SNX18: variants seen among roughly 807,000 people sequenced by gnomAD.
SNX18 encodes the protein sorting nexin 18.
Under a neutral mutation model 48.7 loss-of-function variants are expected in SNX18, and 35 were observed. The observed-to-expected ratio is 0.72, with a 90% CI of 0.55 to 0.95. The LOEUF is 0.95. Among genes scored for constraint, SNX18 ranks in the 40% least tolerant of loss-of-function variants. The pLI, the probability that SNX18 is intolerant of heterozygous loss-of-function variation, is 0.00. For synonymous variants in SNX18, 492 were observed against 384.7 expected (o/e 1.28, Z -3.26); for missense variants, 824 against 871.0 (o/e 0.95, Z 0.68).
the SNX18 span, among the ~76,000 whole-genome samples, chr5:54,600,619 A>G: frequency 6.6e-6 from 1 of 152,254 alleles, no homozygotes; most frequent in African/African-American, 2.4e-5. Context: ...AAAATGTGGT[A>G]TAAATATACC....
At chr5:54,559,205 C>T in the SNX18 span, among the ~76,000 whole-genome samples, 2 of 152,108 alleles carry the variant, frequency 1.3e-5, no homozygotes, top group African/African-American at 4.8e-5. Flanking sequence ...ACATTCTTCA[C>T]AGAACTAGAT....
In SNX18 at chr5:54,518,521, C is replaced by T. The variant is rs1182676595; in HGVS notation, c.569C>T (p.Ala190Val). 2.6e-6 allele frequency: 4 copies of T among 1,553,236 alleles called. No individual in the cohort carries two copies. The highest frequency in any genetic ancestry group is 1.9e-5 in the Admixed American group (1 of 51,970). Residue 190 changes from alanine to valine, a missense_variant, in exon 1 of 2, where the codon GCC becomes GTC. Ala to Val is a moderately conservative substitution (Grantham distance 64). Around this residue, in one of 3 missense-constraint regions of SNX18, gnomAD observed 377 missense variants for 350.6 expected, o/e 1.08. Transcript: ENST00000381410. ...DGSSSAGVGAAGRYRLSTRSD... is the reference protein window; with the variant it reads ...DGSSSAGVGAVGRYRLSTRSD... ...TCGTCTTCGGCGGGTGTGGGCGCAG[C>T]CGGCCGCTACCGCCTGTCCACGCGC...
chr5:54,613,631 T>C, the SNX18 span, among the ~76,000 whole-genome samples: 55 of 152,362 alleles, frequency 3.6e-4, no homozygotes, highest in Admixed American at 1.9e-3. Flanking sequence ...GGCTATAGTT[T>C]GTTGTCCCAG....
At chr5:54,563,696 A>ACT in the SNX18 span, among the ~76,000 whole-genome samples, 1 of 151,964 alleles carries the variant, frequency 6.6e-6, no homozygotes, top group Non-Finnish European at 1.5e-5. Flanking sequence ...GGTAGTTGTG[A>ACT]CTCTGGCAGT....
At chr5:54,528,905 G>A (rs1762198506) in intron 1 of SNX18, among the ~76,000 whole-genome samples, 1 of 152,190 alleles carries the variant, frequency 6.6e-6, no homozygotes, top group Non-Finnish European at 1.5e-5. Flanking sequence ...AGCAGAAAAT[G>A]GGGCCCCACC....
the SNX18 span, among the ~76,000 whole-genome samples, chr5:54,624,829 A>G: frequency 6.6e-6 from 1 of 152,220 alleles, no homozygotes; most frequent in African/African-American, 2.4e-5. Context: ...CTCAGTCTCC[A>G]GCAGTTTCTG....
At chr5:54,628,736 C>T in the SNX18 span, among the ~76,000 whole-genome samples, 9 of 151,720 alleles carry the variant, frequency 5.9e-5, no homozygotes, top group South Asian at 4.1e-4. Context: ...CCCCTAGCTC[C>T]TGGAGTCTGG....
the SNX18 span, among the ~76,000 whole-genome samples, chr5:54,592,863 C>A: frequency 6.6e-6 from 1 of 152,160 alleles, no homozygotes; most frequent in African/African-American, 2.4e-5. Flanking sequence ...TGCAGTGGAG[C>A]AATCTCAGCT....
the SNX18 span, among the ~76,000 whole-genome samples, chr5:54,551,729 A>C: frequency 1.3e-5 from 2 of 152,186 alleles, no homozygotes; most frequent in African/African-American, 4.8e-5. Context: ...TTTACTTGAG[A>C]CTACCAGGCA....
the SNX18 span, among the ~76,000 whole-genome samples, chr5:54,593,202 G>A: frequency 6.6e-6 from 1 of 152,146 alleles, no homozygotes; most frequent in South Asian, 2.1e-4. Context: ...TCTCTGGAAG[G>A]AATTTTAATT....
the SNX18 span, among the ~76,000 whole-genome samples, chr5:54,625,842 G>C: frequency 6.6e-6 from 1 of 152,120 alleles, no homozygotes; most frequent in African/African-American, 2.4e-5. Flanking sequence ...GAAACTCTTG[G>C]GAAAGAAATC....
the SNX18 span, among the ~76,000 whole-genome samples, chr5:54,602,988 C>G: frequency 2.0e-5 from 3 of 152,090 alleles, no homozygotes; most frequent in African/African-American, 7.2e-5. Flanking sequence ...TCATACCTGA[C>G]AAGCTACCTG....
chr5:54,613,044 G>T, the SNX18 span, among the ~76,000 whole-genome samples: 1 of 152,234 alleles, frequency 6.6e-6, no homozygotes, highest in Admixed American at 6.5e-5. Flanking sequence ...GGGATAAGCT[G>T]CTTGTATTGT....
intron 1 of SNX18, among the ~76,000 whole-genome samples, chr5:54,522,368 AAATG>A (rs765995249): frequency 1.3e-5 from 2 of 152,202 alleles, no homozygotes; most frequent in Non-Finnish European, 2.9e-5. Flanking sequence ...TGGTCAACAG[AAATG>A]ATAGAACTTT....
At chr5:54,522,620 A>G (rs1456129664) in intron 1 of SNX18, among the ~76,000 whole-genome samples, 1 of 152,176 alleles carries the variant, frequency 6.6e-6, no homozygotes, top group African/African-American at 2.4e-5. Context: ...GAATTTCCCA[A>G]GCACTCAACC....
chr5:54,603,934 TAAG>T, the SNX18 span, among the ~76,000 whole-genome samples: 17 of 152,218 alleles, frequency 1.1e-4, no homozygotes, highest in Non-Finnish European at 1.5e-5. Context: ...GCAATCTATT[TAAG>T]AAGAACAAAG....
intron 1 of SNX18, among the ~76,000 whole-genome samples, chr5:54,521,272 T>A (rs1455691891): frequency 6.6e-6 from 1 of 152,224 alleles, no homozygotes; most frequent in Non-Finnish European, 1.5e-5. Context: ...TAGGTTGGCA[T>A]CAGTTCATTC....
At chr5:54,611,773 G>A in the SNX18 span, among the ~76,000 whole-genome samples, 2 of 152,244 alleles carry the variant, frequency 1.3e-5, no homozygotes, top group African/African-American at 2.4e-5. Flanking sequence ...AAATGATGGG[G>A]AAGCAACTTG....
the SNX18 span, among the ~76,000 whole-genome samples, chr5:54,574,230 G>A: frequency 5.2e-3 from 791 of 152,326 alleles, 7 homozygotes; most frequent in African/African-American, 0.018. Context: ...TTGGAAATAT[G>A]TCTGGGCAGC....
Sources: allele counts gnomAD v4.1 joint callset (sites outside exome capture counted in the v4.1 genomes callset), GRCh38; gene constraint gnomAD v4.1.1; regional missense constraint gnomAD v4.1.1; transcripts MANE v1.5; gene names NCBI Gene and HGNC (gene_info 2026-07-23, HGNC 2026-07-21).